DENND6A: variants seen among roughly 807,000 people sequenced by gnomAD.
DENND6A encodes the protein protein DENND6A.
A neutral mutation model predicts 95.5 loss-of-function variants in DENND6A; 43 were observed. That is an observed-to-expected ratio of 0.45 (90% CI 0.35 to 0.58). The LOEUF is 0.58. DENND6A is among the 20% of genes least tolerant of loss of function. The probability of loss-of-function intolerance (pLI) is 0.00; values close to 1 mark genes in which losing one functional copy is unlikely to be tolerated. For synonymous variants in DENND6A, 257 were observed against 260.4 expected (o/e 0.99, Z 0.13); for missense variants, 574 against 736.0 (o/e 0.78, Z 2.55).
At position 57,639,720 on chromosome 3, in the gene DENND6A, G is replaced by A. The variant is rs2070882534; in HGVS notation, c.1132+1933C>T. 5.3e-5 allele frequency among the ~76,000 whole-genome samples: 8 copies of A among 152,250 alleles called. No homozygotes were observed. In the South Asian group the frequency reaches 1.7e-3, roughly 32 times the overall value. On this transcript the variant is annotated intron_variant, in intron 12 of 19. Coordinates refer to ENST00000311128, the MANE Select transcript of DENND6A (RefSeq NM_152678.3). Reference sequence around the variant, plus strand: ...GCAGACAAAAAATTTGAGGCTTAAAGATGCTATTCAGCCTATTAGCACACA... The same window carrying A: ...GCAGACAAAAAATTTGAGGCTTAAAAATGCTATTCAGCCTATTAGCACACA...
At chr3:57,647,812 T>G (rs1256499657) in intron 9 of DENND6A, among the ~76,000 whole-genome samples, 2 of 121,900 alleles carry the variant, frequency 1.6e-5, no homozygotes, top group African/African-American at 3.3e-5. Context: ...TGTGGTCTAG[T>G]GGGACAGAGT....
At position 57,634,585 on chromosome 3, in the gene DENND6A, A is replaced by T; in HGVS notation, c.1236T>A (p.Asp412Glu). 6.9e-7 allele frequency: 1 copy of T among 1,448,732 alleles called. No homozygotes were observed. Among genetic ancestry groups the T allele is most frequent in the South Asian group, 1.4e-5 (1 of 69,522 alleles). 89.7% of individuals were successfully genotyped at this position (1,448,732 alleles called of 1,614,324 possible). Residue 412 changes from aspartate to glutamate, a missense_variant, in exon 14 of 20, where the codon GAT becomes GAA. Physicochemically the swap from Asp to Glu is conservative, Grantham distance 45. This residue lies in a region of DENND6A where 452 missense variants were observed against 630.9 expected (regional missense o/e 0.72). Coordinates refer to ENST00000311128, the MANE Select transcript of DENND6A (RefSeq NM_152678.3). ...TCTGTAATTGTTTTATGATCTCTTC[A>T]TCTCTATTTAAATATGGCTTATATG... ...YTSYKPYLNR[D>E]EEIIKQLQKG...
chr3:57,672,468 CATATT>C (rs1368515299), intron 1 of DENND6A, 30 bp from the exon 2 acceptor site: 1 of 1,599,458 alleles, frequency 6.3e-7, no homozygotes, highest in Non-Finnish European at 8.6e-7. Context: ...TTTTGTTAAA[CATATT>C]ATAAACATTA....
chr3:57,677,521 G>A (rs1407912607), intron 1 of DENND6A, among the ~76,000 whole-genome samples: 2 of 135,252 alleles, frequency 1.5e-5, no homozygotes, highest in Admixed American at 8.6e-5. Flanking sequence ...CCCCAGCCTC[G>A]ACTTCCAGGG....
intron 18 of DENND6A, among the ~76,000 whole-genome samples, chr3:57,629,277 G>A (rs2070606190): frequency 2.0e-5 from 3 of 152,246 alleles, no homozygotes; most frequent in East Asian, 1.9e-4. Flanking sequence ...TGTACACTTC[G>A]TGTTTTCGGA....
chr3:57,668,648 A>T (rs933341569), intron 3 of DENND6A, among the ~76,000 whole-genome samples: 1 of 152,182 alleles, frequency 6.6e-6, no homozygotes, highest in Admixed American at 6.5e-5. Flanking sequence ...GGAGAATCTA[A>T]GGTGGCGGAG....
chr3:57,657,189 A>G, intron 9 of DENND6A, among the ~76,000 whole-genome samples: 1 of 152,310 alleles, frequency 6.6e-6, no homozygotes, highest in Admixed American at 6.5e-5. Flanking sequence ...TGCTAACAGT[A>G]TCTCTTTTTT....
In DENND6A at chr3:57,692,688, G is replaced by A. The variant is rs1365765189; in HGVS notation, c.237+94C>T. The A allele has an allele frequency of 1.0e-5, 12 of 1,179,280 alleles. No individual in the cohort carries two copies. The African/African-American group carries it at 1.3e-4, about 13-fold the overall frequency. The allele number at this position is 1,179,280 out of a possible 1,614,324, so 73.1% of individuals were successfully genotyped here. On this transcript the variant is annotated intron_variant, in intron 1 of 19. Coordinates refer to ENST00000311128, the MANE Select transcript of DENND6A (RefSeq NM_152678.3). The stretch of plus-strand genomic sequence containing the variant: ...GCCACGCCCGGATGCGCCGCGGACA[G>A]GGTCCTGGCCGGTCAGCCCGCGGGC...
chr3:57,631,291 G>T, intron 15 of DENND6A: 1 of 212,400 alleles, frequency 4.7e-6, no homozygotes, highest in Non-Finnish European at 9.3e-6. Context: ...CTGCCCCCCG[G>T]GTTCAAGCGA....
chr3:57,657,534 G>A, intron 9 of DENND6A, 146 bp downstream of exon 9: 1 of 542,178 alleles, frequency 1.8e-6, no homozygotes. Context: ...TGTACCCAGG[G>A]ATGAACCATT....
intron 9 of DENND6A, among the ~76,000 whole-genome samples, chr3:57,657,189 ATC>A (rs570597302): frequency 7.7e-4 from 117 of 152,308 alleles, no homozygotes; most frequent in African/African-American, 2.3e-3. Flanking sequence ...TGCTAACAGT[ATC>A]TCTTTTTTGT....
intron 3 of DENND6A, among the ~76,000 whole-genome samples, chr3:57,669,626 AAT>A (rs1449520962): frequency 1.3e-5 from 2 of 151,776 alleles, no homozygotes; most frequent in African/African-American, 2.4e-5. Context: ...GAGGCAGGAG[AAT>A]GGCGTGAACC....
At chr3:57,682,346 G>A (rs1007644881) in intron 1 of DENND6A, among the ~76,000 whole-genome samples, 14 of 142,410 alleles carry the variant, frequency 9.8e-5, no homozygotes, top group Non-Finnish European at 1.7e-4. Flanking sequence ...TTTACACACT[G>A]CTTTTTTCCT....
At chr3:57,648,493 C>T (rs1410466665) in intron 9 of DENND6A, among the ~76,000 whole-genome samples, 3 of 152,074 alleles carry the variant, frequency 2.0e-5, no homozygotes, top group Non-Finnish European at 2.9e-5. Flanking sequence ...TCCCATCATT[C>T]GTCACAGAAC....
At position 57,628,800 on chromosome 3, in the gene DENND6A, T is replaced by C. The variant is rs1193217093; in HGVS notation, c.1695+11A>G. On this transcript the variant is annotated intron_variant, in intron 19 of 19. Coordinates refer to ENST00000311128, the MANE Select transcript of DENND6A (RefSeq NM_152678.3). ...AAGTCAATTTAATCTTTGGCTGTTT[T>C]GGCTACATACCAGCTTATTTTTCAG... The C allele has an allele frequency of 6.2e-7, 1 of 1,607,574 alleles. No homozygotes were observed. The highest frequency in any genetic ancestry group is 1.7e-4 in the Middle Eastern group (1 of 6,028).
At chr3:57,690,182 T>TA (rs1283693856) in intron 1 of DENND6A, among the ~76,000 whole-genome samples, 17 of 146,710 alleles carry the variant, frequency 1.2e-4, no homozygotes, top group Admixed American at 8.2e-4. Flanking sequence ...CTGTCTCTAC[T>TA]AAAAAAAACA....
intron 18 of DENND6A, among the ~76,000 whole-genome samples, chr3:57,629,488 TAAAA>T (rs1014831072): frequency 4.0e-5 from 5 of 123,940 alleles, no homozygotes; most frequent in Non-Finnish European, 8.6e-5. Flanking sequence ...ATACAGAACA[TAAAA>T]AAAAAATCAG....
intron 15 of DENND6A, among the ~76,000 whole-genome samples, chr3:57,632,021 CTTT>C (rs771800755): frequency 8.3e-5 from 8 of 96,012 alleles, no homozygotes; most frequent in Admixed American, 6.2e-4. Flanking sequence ...CGCGCCCGGC[CTTT>C]TTTTTTTTTT....
intron 9 of DENND6A, chr3:57,654,744 C>G (rs1027139166): frequency 3.2e-5 from 32 of 985,108 alleles, no homozygotes; most frequent in Non-Finnish European, 3.9e-5. Flanking sequence ...GTGAAAGGAG[C>G]GCCTACACTC....
Sources: gnomAD v4.1 joint callset for allele counts (sites outside exome capture counted in the v4.1 genomes callset) on GRCh38, gnomAD v4.1.1 for gene constraint, gnomAD v4.1.1 regional missense constraint, MANE v1.5 for transcripts, NCBI Gene and HGNC (gene_info 2026-07-23, HGNC 2026-07-21) for gene names.